The following HTR1F variants were observed in gnomAD, a reference collection of about 807,000 sequenced individuals.
HTR1F encodes 5-hydroxytryptamine (serotonin) receptor 1F, G protein-coupled.
A neutral mutation model predicts 24.0 loss-of-function variants in HTR1F; 17 were observed. The ratio of observed to expected loss-of-function variants is 0.71; its 90% CI spans 0.48 to 1.06. The LOEUF (loss-of-function observed/expected upper bound fraction) is 1.06. Among genes scored for constraint, HTR1F ranks in the 50% least tolerant of loss-of-function variants. The pLI is 0.00. For missense variants in HTR1F, 391 were observed against 427.8 expected (o/e 0.91, Z 0.76); for synonymous variants, 186 against 156.8 (o/e 1.19, Z -1.39).
At chr3:87,890,805 T>C (rs1195319871) in intron 2 of HTR1F, among the ~76,000 whole-genome samples, 1 of 151,986 alleles carries the variant, frequency 6.6e-6, no homozygotes, top group Non-Finnish European at 1.5e-5. Flanking sequence ...AAGTTCCAGC[T>C]GAAAGCACTC....
rs536521067 is a variant in HTR1F at position 87,885,489 on chromosome 3, G to A, written c.-43+63365G>A. On this transcript the variant is annotated intron_variant, in intron 2 of 2. Coordinates refer to ENST00000319595, the MANE Select transcript of HTR1F (RefSeq NM_001322209.2). Reference sequence around the variant, plus strand: ...CGAGCAGAAGGCAAGAAATAACTAAGATCAGAGCAGAACTGAAGGAGATAG... The same window carrying A: ...CGAGCAGAAGGCAAGAAATAACTAAAATCAGAGCAGAACTGAAGGAGATAG... Among the ~76,000 whole-genome samples the A allele has an allele frequency of 3.3e-5, 5 of 152,174 alleles. No individual in the cohort carries two copies. In the East Asian group the frequency reaches 9.7e-4, roughly 29 times the overall value.
intron 1 of HTR1F, among the ~76,000 whole-genome samples, chr3:87,815,199 G>A (rs1437886480): frequency 1.2e-4 from 18 of 152,034 alleles, no homozygotes; most frequent in Admixed American, 2.6e-4. Flanking sequence ...ATAATAAACA[G>A]GGGTAATTTA....
chr3:87,930,433 C>G lies in HTR1F; in HGVS notation c.-42-60275C>G, dbSNP rs143212509. On this transcript the variant is annotated intron_variant, in intron 2 of 2. Transcript: ENST00000319595. The stretch of plus-strand genomic sequence containing the variant: ...TTGGCTGTGGGTTTGTCATAGGTGG[C>G]TCTTAATGTTTTGAGGTATGTTCCT... Among the ~76,000 whole-genome samples the G allele has an allele frequency of 5.9e-3, 894 of 152,210 alleles. 8 individuals are homozygous for G. Among genetic ancestry groups the G allele is most frequent in the African/African-American group, 0.021 (852 of 41,542 alleles).
chr3:87,983,817 AG>A (rs2107516965), intron 2 of HTR1F, among the ~76,000 whole-genome samples: 1 of 152,304 alleles, frequency 6.6e-6, no homozygotes, highest in South Asian at 2.1e-4. Context: ...TACCTTTTGA[AG>A]GTTATAATTT....
chr3:87,799,730 G>C (rs991487690), intron 1 of HTR1F, among the ~76,000 whole-genome samples: 16 of 152,240 alleles, frequency 1.1e-4, no homozygotes, highest in South Asian at 6.2e-4. Flanking sequence ...CCCCTGAGTA[G>C]CACCAGTAGG....
At chr3:87,869,763 G>A (rs1045752196) in intron 2 of HTR1F, among the ~76,000 whole-genome samples, 10 of 152,046 alleles carry the variant, frequency 6.6e-5, no homozygotes, top group South Asian at 2.1e-4. Context: ...ACCCATGTTA[G>A]GAAGGGCAAT....
chr3:87,900,321 T>C (rs1189863325), intron 2 of HTR1F, among the ~76,000 whole-genome samples: 3 of 152,188 alleles, frequency 2.0e-5, no homozygotes, highest in Non-Finnish European at 2.9e-5. Flanking sequence ...AATCAAAAAG[T>C]GCACTCTGTC....
intron 2 of HTR1F, among the ~76,000 whole-genome samples, chr3:87,963,417 A>G (rs1189147318): frequency 6.6e-6 from 1 of 152,138 alleles, no homozygotes; most frequent in Non-Finnish European, 1.5e-5. Context: ...TGATGTGCCT[A>G]ATTGCCTAAA....
intron 2 of HTR1F, among the ~76,000 whole-genome samples, chr3:87,955,483 T>A (rs995459973): frequency 6.6e-6 from 1 of 151,504 alleles, no homozygotes; most frequent in Non-Finnish European, 1.5e-5. Flanking sequence ...TTGAGGCTAT[T>A]ATGAATACAG....
At chr3:87,923,250 T>C (rs1480978458) in intron 2 of HTR1F, among the ~76,000 whole-genome samples, 1 of 152,020 alleles carries the variant, frequency 6.6e-6, no homozygotes. Context: ...ATTTGAAGTC[T>C]TTTGTGGTTT....
chr3:87,803,144 T>G (rs1704021362), intron 1 of HTR1F, among the ~76,000 whole-genome samples: 3 of 152,198 alleles, frequency 2.0e-5, no homozygotes, highest in Admixed American at 2.0e-4. Flanking sequence ...CGAATTCATC[T>G]GTGAATTTTC....
At chr3:87,872,513 T>C (rs1173560616) in intron 2 of HTR1F, among the ~76,000 whole-genome samples, 2 of 151,890 alleles carry the variant, frequency 1.3e-5, no homozygotes, top group African/African-American at 4.8e-5. Flanking sequence ...ATCAATATAT[T>C]TGGCAAACCC....
chr3:87,801,649 T>C (rs12488028), intron 1 of HTR1F, among the ~76,000 whole-genome samples: 46,444 of 152,010 alleles, frequency 0.31, 7,252 homozygotes, highest in East Asian at 0.42. Context: ...TTGCATTCCT[T>C]TGAGTTTCTG....
At chr3:87,985,909 T>C (rs1430213297) in intron 2 of HTR1F, among the ~76,000 whole-genome samples, 2 of 152,232 alleles carry the variant, frequency 1.3e-5, no homozygotes, top group African/African-American at 4.8e-5. Context: ...GAGTAAATGC[T>C]TCATGCAGCT....
At position 87,916,314 on chromosome 3, in the gene HTR1F, A is replaced by AG. The variant is rs1294873580; in HGVS notation, c.-42-74394_-42-74393insG. 1.4e-4 allele frequency among the ~76,000 whole-genome samples: 17 copies of AG among 118,010 alleles called. No homozygotes were observed. In the East Asian group the frequency reaches 3.4e-3, roughly 23 times the overall value. The allele number at this position is 118,010 out of a possible 152,430, so 77.4% of individuals were successfully genotyped here. A position where few individuals can be genotyped will look rare whatever the true frequency, so the allele number is the denominator to read the frequency against. ...TACAGTTAAAAAGCAAAAAAGAAAA[A>AG]AAAAAAAAAAAAAACAAGGTACACA... On this transcript the variant is annotated intron_variant, in intron 2 of 2. Transcript: ENST00000319595.
intron 2 of HTR1F, among the ~76,000 whole-genome samples, chr3:87,891,769 C>T (rs1706091804): frequency 6.6e-6 from 1 of 152,230 alleles, no homozygotes; most frequent in Non-Finnish European, 1.5e-5. Context: ...TCAGCTCTTT[C>T]AGTGTCCAAT....
At chr3:87,896,264 G>A (rs1706197141) in intron 2 of HTR1F, among the ~76,000 whole-genome samples, 1 of 152,104 alleles carries the variant, frequency 6.6e-6, no homozygotes, top group Admixed American at 6.6e-5. Context: ...CAGCAGCCTG[G>A]GCCTCCTTCT....
chr3:87,919,442 C>T (rs772422945), intron 2 of HTR1F, among the ~76,000 whole-genome samples: 2 of 152,092 alleles, frequency 1.3e-5, no homozygotes, highest in African/African-American at 4.8e-5. Context: ...AGACAACCCA[C>T]AGAGTGGGAA....
intron 2 of HTR1F, among the ~76,000 whole-genome samples, chr3:87,975,523 G>T (rs755095906): frequency 1.3e-5 from 2 of 151,950 alleles, no homozygotes; most frequent in Non-Finnish European, 2.9e-5. Context: ...ATTATGTCCC[G>T]TTCTTCAGTG....
Sources: allele counts gnomAD v4.1 joint callset (sites outside exome capture counted in the v4.1 genomes callset), GRCh38; gene constraint gnomAD v4.1.1; transcripts MANE v1.5; gene names NCBI Gene and HGNC (gene_info 2026-07-23, HGNC 2026-07-21).